B3GNT4: variants seen among roughly 807,000 people sequenced by gnomAD.
The protein encoded by B3GNT4 is UDP-GlcNAc:betaGal beta-1,3-N-acetylglucosaminyltransferase 4.
In B3GNT4, 2 loss-of-function variants were observed where a neutral mutation model predicts 2.7. The observed-to-expected ratio is 0.73, with a 90% confidence interval of 0.30 to 2.31. B3GNT4 has a LOEUF of 2.31. Among genes scored for constraint, B3GNT4 ranks in the 30% most tolerant of loss-of-function variants. B3GNT4 has a pLI of 0.12. For missense variants in B3GNT4, 708 were observed against 490.9 expected (o/e 1.44, Z -4.18); for synonymous variants, 280 against 203.4 (o/e 1.38, Z -3.20).
In B3GNT4 at chr12:122,206,744, G is replaced by T. The variant is rs375511104; in HGVS notation, c.493G>T (p.Ala165Ser). The T allele has an allele frequency of 2.4e-5, 39 of 1,605,728 alleles. No individual in the cohort carries two copies. The highest frequency in any genetic ancestry group is 2.3e-5 in the Non-Finnish European group (27 of 1,175,352). ...LVFLLGVAGS[A>S]PPAQLLAYES... The stretch of plus-strand genomic sequence containing the variant: ...GTTCCTCCTAGGGGTGGCAGGATCC[G>T]CTCCCCCAGCCCAGCTGCTGGCCTA... Residue 165 changes from alanine to serine, a missense_variant, in exon 3 of 3, where the codon GCT (alanine) becomes TCT (serine). Coordinates refer to ENST00000324189, the MANE Select transcript of B3GNT4 (RefSeq NM_030765.4).
chr12:122,207,339 T>C lies in B3GNT4; in HGVS notation c.1088T>C (p.Val363Ala). The C allele has an allele frequency of 6.2e-7, 1 of 1,605,372 alleles. No homozygotes were observed. Among genetic ancestry groups the C allele is most frequent in the Non-Finnish European group, 8.5e-7 (1 of 1,175,144 alleles). The part of the protein sequence containing the change: ...PLEMWTMWAL[V>A]TDEGLKCAAG... Reference sequence around the variant, plus strand: ...GAGATGTGGACCATGTGGGCACTGGTGACAGATGAGGGGCTCAAGTGTGCA... The same window carrying C: ...GAGATGTGGACCATGTGGGCACTGGCGACAGATGAGGGGCTCAAGTGTGCA... The change falls in exon 3 of 3, where the codon GTG becomes GCG. Residue 363 changes from valine to alanine, a missense_variant. Transcript: ENST00000324189.
Position 122,204,442 on chromosome 12 carries a change from C to G in B3GNT4, c.-97-80C>G, listed in dbSNP as rs935967235. ...CGCGGCGCAGCCTGGGCTGAAACCT[C>G]CTGGGACGGAACCAAGCCACCTGCT... On this transcript the variant is annotated intron_variant, in intron 1 of 2. Transcript: ENST00000324189. 2.6e-5 allele frequency: 17 copies of G among 655,474 alleles called. No individual in the cohort carries two copies. In the East Asian group the frequency reaches 4.3e-4, roughly 17 times the overall value. 40.6% of individuals were successfully genotyped at this position (655,474 alleles called of 1,614,324 possible). A position where few individuals can be genotyped will look rare whatever the true frequency, so the allele number is the denominator to read the frequency against.
rs778847830 is a variant in B3GNT4, at chr12:122,208,292, G to A, written c.*904G>A. On this transcript the variant is annotated 3_prime_UTR_variant, in exon 3 of 3. Transcript: ENST00000324189. ...GCAGGATCTGCCGCCTCTTCTCGGT[G>A]CACAGACAGTCATGCCAACCCTGGG... 7 of 1,497,572 alleles carry A rather than the reference G, an allele frequency of 4.7e-6. No homozygotes were observed. The highest frequency in any genetic ancestry group is 1.4e-5 in the African/African-American group (1 of 72,522). The allele number at this position is 1,497,572 out of a possible 1,614,324, so 92.8% of individuals were successfully genotyped here. A position where few individuals can be genotyped will look rare whatever the true frequency, so the allele number is the denominator to read the frequency against.
chr12:122,208,404 C>A lies in B3GNT4; in HGVS notation c.*1016C>A. 1 of 1,612,860 alleles carries A rather than the reference C, an allele frequency of 6.2e-7. No individual in the cohort carries two copies. The highest frequency in any genetic ancestry group is 2.2e-5 in the East Asian group (1 of 44,888). ...CCTCAATCCTCACGCAGGTAGGCCT[C>A]CTGCTCCGACTCAGCCCGCTCCTCC... On this transcript the variant is annotated 3_prime_UTR_variant, in exon 3 of 3. Transcript: ENST00000324189.
chr12:122,206,336 A>AGGCTGTGCT lies in B3GNT4; in HGVS notation c.91_99dup (p.Cys31_Leu33dup). On this transcript the variant is annotated inframe_insertion, in exon 3 of 3. Transcript: ENST00000324189. ...CTTGCAGGGACCGGCGATGCTCTGCAGGCTGTGCTGGCTGGTCTCGTACAG... is the reference window on the plus strand; with the variant it reads ...CTTGCAGGGACCGGCGATGCTCTGCAGGCTGTGCTGGCTGTGCTGGCTGGTCTCGTACAG... 6.3e-7 allele frequency: 1 copy of AGGCTGTGCT among 1,582,738 alleles called. No individual in the cohort carries two copies. Among genetic ancestry groups the AGGCTGTGCT allele is most frequent in the Admixed American group, 1.7e-5 (1 of 57,978 alleles).
rs12828049 is a variant in B3GNT4, at chr12:122,204,697, C to G, written c.66+13C>G. 6.3e-7 allele frequency: 1 copy of G among 1,595,760 alleles called. No individual in the cohort carries two copies. Among genetic ancestry groups the G allele is most frequent in the East Asian group, 2.3e-5 (1 of 44,360 alleles). Reference sequence around the variant, plus strand: ...CCTTTTACCAAAGGTCAGATTCTTTCACCGCCTCTGCCAGACCCCCTTGTC... The same window carrying G: ...CCTTTTACCAAAGGTCAGATTCTTTGACCGCCTCTGCCAGACCCCCTTGTC... On this transcript the variant is annotated intron_variant, in intron 2 of 2. Transcript: ENST00000324189.
At chr12:122,203,849 C>G (rs1056277188) in intron 1 of B3GNT4, 48 bp downstream of exon 1, 1 of 156,510 alleles carries the variant, frequency 6.4e-6, no homozygotes, top group South Asian at 2.0e-4. Flanking sequence ...GCTGGGTCAC[C>G]GTGCAGGGAG....
In B3GNT4 at chr12:122,206,404, G is replaced by C. The variant is rs1213129726; in HGVS notation, c.153G>C (p.Lys51Asn). ...TCGGCTGCCTGCTCTTCCTGAGGAA[G>C]GCGGCCAAGCCCGCAGGAGACCCCA... Reference protein sequence around the residue: ...LLLGCLLFLRKAAKPAGDPTA... With the variant: ...LLLGCLLFLRNAAKPAGDPTA... Residue 51 changes from lysine (K) to asparagine (N), a missense_variant, in exon 3 of 3, where the codon AAG becomes AAC. Lys to Asn is a moderately conservative substitution (Grantham distance 94, BLOSUM62 0). Coordinates refer to ENST00000324189, the MANE Select transcript of B3GNT4 (RefSeq NM_030765.4). 6.2e-7 allele frequency: 1 copy of C among 1,613,156 alleles called. No homozygotes were observed. The highest frequency in any genetic ancestry group is 8.5e-7 in the Non-Finnish European group (1 of 1,179,902).
chr12:122,207,553 A>T lies in B3GNT4; in HGVS notation c.*165A>T. ...CTGCAACCCAGCTAACTTGTCCAGC[A>T]TATGTTGAATGGGAGCCAAAGTGTA... is the stretch of plus-strand genomic sequence containing the variant. On this transcript the variant is annotated 3_prime_UTR_variant, in exon 3 of 3. Coordinates refer to ENST00000324189, the MANE Select transcript of B3GNT4 (RefSeq NM_030765.4). 1.4e-6 allele frequency: 1 copy of T among 718,772 alleles called. No individual in the cohort carries two copies. The highest frequency in any genetic ancestry group is 2.3e-6 in the Non-Finnish European group (1 of 444,052). The allele number at this position is 718,772 out of a possible 1,614,324, so 44.5% of individuals were successfully genotyped here.
rs878962745 is a variant in B3GNT4, at chr12:122,206,696, A to G, written c.445A>G (p.Arg149Gly). 1 of 1,611,160 alleles carries G rather than the reference A, an allele frequency of 6.2e-7. No homozygotes were observed. Among genetic ancestry groups the G allele is most frequent in the Non-Finnish European group, 8.5e-7 (1 of 1,178,572 alleles). Residue 149 changes from arginine to glycine, a missense_variant, in exon 3 of 3, where the codon AGG becomes GGG. By Grantham distance (125) the Arg-to-Gly change is moderately radical. Transcript: ENST00000324189. ...GTGGGGCAGGGTGGGGGGATGGGCT[A>G]GGGGCCGGCAGCTGAAGCTGGTGTT... ...STWGRVGGWA[R>G]GRQLKLVFLL...
Position 122,208,448 on chromosome 12 carries a change from T to C in B3GNT4, c.*1060T>C. 3 of 1,614,116 alleles carry C rather than the reference T, an allele frequency of 1.9e-6. No individual in the cohort carries two copies. The South Asian group carries it at 3.3e-5, about 18-fold the overall frequency. On this transcript the variant is annotated 3_prime_UTR_variant, in exon 3 of 3. Transcript: ENST00000324189. ...CTCCTCCCCTTCCTCCTGTGTTTTC[T>C]GACGGAGCTCTTCTATCTGTGCTTC...
intron 1 of B3GNT4, 127 bp from the exon 2 acceptor site, chr12:122,204,395 G>T (rs889249192): frequency 2.3e-6 from 1 of 442,450 alleles, no homozygotes; most frequent in African/African-American, 2.1e-5. Context: ...GACGCCCGCG[G>T]CGGGACAGGG....
At chr12:122,206,207 A>G in intron 2 of B3GNT4, 111 bp from the exon 3 acceptor site, 1 of 840,134 alleles carries the variant, frequency 1.2e-6, no homozygotes. Context: ...GAGAATAAAA[A>G]GTCCAGAGGC....
Position 122,204,524 on chromosome 12 carries a change from C to G in B3GNT4, c.-95C>G, listed in dbSNP as rs1953889059. The G allele has an allele frequency of 1.8e-6, 2 of 1,085,886 alleles. No individual in the cohort carries two copies. Among genetic ancestry groups the G allele is most frequent in the East Asian group, 5.0e-5 (2 of 39,626 alleles). 67.3% of individuals were successfully genotyped at this position (1,085,886 alleles called of 1,614,324 possible). ...CCGCCCGGGCCTCTCGTCCACAGCC[C>G]GCGGTGCTCGCACACCTGAGACTCA... On this transcript the variant is annotated splice_region_variant and 5_prime_UTR_variant, in exon 2 of 3. Coordinates refer to ENST00000324189, the MANE Select transcript of B3GNT4 (RefSeq NM_030765.4).
chr12:122,204,732 C>T (rs201631024), intron 2 of B3GNT4, 48 bp downstream of exon 2: 3 of 1,485,540 alleles, frequency 2.0e-6, no homozygotes, highest in Non-Finnish European at 2.8e-6. Flanking sequence ...CCCCCACCCC[C>T]GCATAGATCT....
At chr12:122,206,212 A>G (rs893230404) in intron 2 of B3GNT4, 106 bp from the exon 3 acceptor site, 3 of 894,150 alleles carry the variant, frequency 3.4e-6, no homozygotes, top group African/African-American at 1.7e-5. Flanking sequence ...TAAAAAGTCC[A>G]GAGGCCAGCA....
rs757150515 is a variant in B3GNT4 at position 122,208,279 on chromosome 12, G to A, written c.*891G>A. On this transcript the variant is annotated 3_prime_UTR_variant, in exon 3 of 3. Coordinates refer to ENST00000324189, the MANE Select transcript of B3GNT4 (RefSeq NM_030765.4). ...CTGATTGGCCAGGGCAGGATCTGCC[G>A]CCTCTTCTCGGTGCACAGACAGTCA... The A allele has an allele frequency of 6.4e-5, 90 of 1,406,334 alleles. No homozygotes were observed. Among genetic ancestry groups the A allele is most frequent in the South Asian group, 1.3e-4 (11 of 86,122 alleles). 87.1% of individuals were successfully genotyped at this position (1,406,334 alleles called of 1,614,324 possible).
rs1346813982 is a variant in B3GNT4 at position 122,206,833 on chromosome 12, G to A, written c.582G>A (p.Thr194=). The A allele has an allele frequency of 8.1e-6, 13 of 1,613,360 alleles. No individual in the cohort carries two copies. The highest frequency in any genetic ancestry group is 1.1e-5 in the Non-Finnish European group (13 of 1,179,814). ...TCACTGAGGACTTCTTCAACCTGAC[G>A]CTCAAGGAGCTGCACCTGCAGCGCT... The part of the protein sequence containing the change: ...WDFTEDFFNL[T]LKELHLQRWV... Residue 194 remains threonine (T), a synonymous_variant, in exon 3 of 3, where the codon ACG becomes ACA. Coordinates refer to ENST00000324189, the MANE Select transcript of B3GNT4 (RefSeq NM_030765.4).
Position 122,207,999 on chromosome 12 carries a change from A to AATC in B3GNT4, c.*614_*616dup, listed in dbSNP as rs1435968022. The AATC allele has an allele frequency of 8.3e-6, 4 of 480,216 alleles. No individual in the cohort carries two copies. The highest frequency in any genetic ancestry group is 7.8e-5 in the African/African-American group (4 of 51,036). 29.7% of individuals were successfully genotyped at this position (480,216 alleles called of 1,614,324 possible). On this transcript the variant is annotated 3_prime_UTR_variant, in exon 3 of 3. Transcript: ENST00000324189. ...ATCCCAACAGAGGGAACAAGTACTA[A>AATC]ATCATTTTTGACGACGTAAATAAGA...
Sources: gnomAD v4.1 joint callset for allele counts on GRCh38, gnomAD v4.1.1 for gene constraint, MANE v1.5 for transcripts, NCBI Gene and HGNC (gene_info 2026-07-23, HGNC 2026-07-21) for gene names.